Variants in SYNE3 observed in about 807,000 individuals in gnomAD.
SYNE3 encodes the protein spectrin repeat containing nuclear envelope family member 3.
A neutral mutation model predicts 111.2 loss-of-function variants in SYNE3; 100 were observed. The ratio of observed to expected loss-of-function variants is 0.90; its 90% CI spans 0.77 to 1.06. SYNE3 has a LOEUF of 1.06. Among genes scored for constraint, SYNE3 ranks in the 50% least tolerant of loss-of-function variants. The pLI is 0.00. For synonymous variants in SYNE3, 547 were observed against 533.9 expected (o/e 1.02, Z -0.34); for missense variants, 1,160 against 1,240.3 (o/e 0.94, Z 0.97).
chr14:95,479,850 T>C (rs1012549998), intron 1 of SYNE3, among the ~76,000 whole-genome samples: 1 of 151,730 alleles, frequency 6.6e-6, no homozygotes, highest in Non-Finnish European at 1.5e-5. Context: ...AAGGGGCGGG[T>C]AGGAGACAGC....
chr14:95,409,999 C>G lies in SYNE3; in HGVS notation c.*7827G>C, dbSNP rs974763078. On this transcript the variant is annotated 3_prime_UTR_variant, in exon 18 of 18. Coordinates refer to ENST00000682763, the MANE Select transcript of SYNE3 (RefSeq NM_152592.6). Reference sequence around the variant, plus strand: ...TGAAAGCAAATATGCATTGCCTGGGCTGAATCCAAACACAAAGAAAGTGTT... The same window carrying G: ...TGAAAGCAAATATGCATTGCCTGGGGTGAATCCAAACACAAAGAAAGTGTT... 1.3e-5 allele frequency: 2 copies of G among 155,004 alleles called. No homozygotes were observed. The highest frequency in any genetic ancestry group is 2.9e-5 in the Non-Finnish European group (2 of 69,892). The allele number at this position is 155,004 out of a possible 1,614,324, so 9.6% of individuals were successfully genotyped here.
intron 17 of SYNE3, among the ~76,000 whole-genome samples, chr14:95,420,995 C>A (rs1885084023): frequency 6.6e-6 from 1 of 152,136 alleles, no homozygotes; most frequent in African/African-American, 2.4e-5. Context: ...GTGAATAAGT[C>A]TCGCAAGATC....
At chr14:95,455,347 G>A in intron 6 of SYNE3, 30 bp downstream of exon 6, 1 of 1,497,190 alleles carries the variant, frequency 6.7e-7, no homozygotes, top group African/African-American at 1.4e-5. Flanking sequence ...ACAGCACCCT[G>A]GGCTCCATGA....
At chr14:95,460,945 G>A (rs1443766897) in intron 4 of SYNE3, among the ~76,000 whole-genome samples, 1 of 152,174 alleles carries the variant, frequency 6.6e-6, no homozygotes, top group East Asian at 1.9e-4. Flanking sequence ...AGAAGTCCAG[G>A]GTAAATAAAA....
intron 1 of SYNE3, among the ~76,000 whole-genome samples, chr14:95,492,161 T>C (rs1234145411): frequency 6.6e-6 from 1 of 152,182 alleles, no homozygotes; most frequent in African/African-American, 2.4e-5. Flanking sequence ...TTGGAACCCT[T>C]ATATGCTGCT....
Position 95,417,563 on chromosome 14 carries a change from T to C in SYNE3, c.*263A>G. 1.9e-6 allele frequency: 1 copy of C among 526,184 alleles called. No individual in the cohort carries two copies. The highest frequency in any genetic ancestry group is 2.2e-5 in the South Asian group (1 of 44,682). 32.6% of individuals were successfully genotyped at this position (526,184 alleles called of 1,614,324 possible). A position where few individuals can be genotyped will look rare whatever the true frequency, so the allele number is the denominator to read the frequency against. ...TAGAACTCGTATATGAAATTATACA[T>C]ACTGAGCATTTACATACAGATCATA... On this transcript the variant is annotated 3_prime_UTR_variant, in exon 18 of 18. Transcript: ENST00000682763.
intron 2 of SYNE3, among the ~76,000 whole-genome samples, chr14:95,468,288 G>A (rs1888318353): frequency 6.6e-6 from 1 of 152,364 alleles, no homozygotes; most frequent in South Asian, 2.1e-4. Context: ...CATTTGTAAA[G>A]TGCAAGTATT....
At chr14:95,484,433 T>G (rs1365242652) in intron 1 of SYNE3, among the ~76,000 whole-genome samples, 1 of 152,156 alleles carries the variant, frequency 6.6e-6, no homozygotes, top group African/African-American at 2.4e-5. Flanking sequence ...AGGGGAACCC[T>G]GGCCACGGAG....
rs1903341689 is a variant in SYNE3, at chr14:95,408,464, AAGGGGTCATCTG to A, written c.*9350_*9361del. 1 of 152,694 alleles carries A rather than the reference AAGGGGTCATCTG, an allele frequency of 6.5e-6. No homozygotes were observed. Among genetic ancestry groups the A allele is most frequent in the Admixed American group, 6.5e-5 (1 of 15,338 alleles). 9.5% of individuals were successfully genotyped at this position (152,694 alleles called of 1,614,324 possible). ...GGAAATTCCCAGATGACACAGATCT[AAGGGGTCATCTG>A]ACCTTCCCTTCTTTATGGAGAATGC... On this transcript the variant is annotated 3_prime_UTR_variant, in exon 18 of 18. Transcript: ENST00000682763.
At chr14:95,444,751 C>G in intron 9 of SYNE3, 123 bp from the exon 10 acceptor site, 2 of 1,255,394 alleles carry the variant, frequency 1.6e-6, no homozygotes, top group South Asian at 1.7e-5. Context: ...TCAGGCGCCA[C>G]CCCCTCCAGG....
At chr14:95,513,632 C>T (rs990175651) in intron 1 of SYNE3, among the ~76,000 whole-genome samples, 2 of 151,636 alleles carry the variant, frequency 1.3e-5, no homozygotes, top group African/African-American at 4.9e-5. Context: ...AGCCCCAGAA[C>T]ATCATCCCTA....
intron 2 of SYNE3, among the ~76,000 whole-genome samples, chr14:95,468,200 C>T (rs188329082): frequency 1.3e-5 from 2 of 152,332 alleles, no homozygotes; most frequent in Non-Finnish European, 2.9e-5. Context: ...TGATGAATGG[C>T]TCTCTCCTTC....
At chr14:95,480,472 C>T (rs1279738050) in intron 1 of SYNE3, among the ~76,000 whole-genome samples, 2 of 152,206 alleles carry the variant, frequency 1.3e-5, no homozygotes, top group Non-Finnish European at 2.9e-5. Flanking sequence ...GCTCAGAACA[C>T]AGAACCTGGG....
intron 4 of SYNE3, among the ~76,000 whole-genome samples, chr14:95,459,384 G>A (rs1324742910): frequency 6.6e-6 from 1 of 152,020 alleles, no homozygotes; most frequent in Non-Finnish European, 1.5e-5. Flanking sequence ...AACACGGTCA[G>A]ACGTCATTTT....
At chr14:95,439,339 C>A (rs561489537) in intron 13 of SYNE3, among the ~76,000 whole-genome samples, 177 bp from the exon 14 acceptor site, 5 of 152,252 alleles carry the variant, frequency 3.3e-5, no homozygotes, top group African/African-American at 4.8e-5. Flanking sequence ...CTCAGAGTAA[C>A]CTGTCATGAA....
chr14:95,420,293 A>C (rs1446111821), intron 17 of SYNE3, among the ~76,000 whole-genome samples: 1 of 152,132 alleles, frequency 6.6e-6, no homozygotes, highest in East Asian at 1.9e-4. Context: ...GGGTGGGGCC[A>C]AATCTCTGAC....
intron 4 of SYNE3, among the ~76,000 whole-genome samples, chr14:95,457,985 G>T (rs1407430762): frequency 6.6e-6 from 1 of 152,190 alleles, no homozygotes; most frequent in Non-Finnish European, 1.5e-5. Flanking sequence ...TGAATACGGT[G>T]ATGTGTGTTG....
chr14:95,445,425 T>A (rs146867548), intron 9 of SYNE3, among the ~76,000 whole-genome samples: 1 of 152,354 alleles, frequency 6.6e-6, no homozygotes, highest in African/African-American at 2.4e-5. Flanking sequence ...AGATCATAGT[T>A]ATTATTGTCA....
intron 1 of SYNE3, among the ~76,000 whole-genome samples, chr14:95,515,553 G>A (rs912819996): frequency 1.3e-5 from 2 of 152,224 alleles, no homozygotes; most frequent in Non-Finnish European, 2.9e-5. Context: ...CAGAATGGCA[G>A]TGATTTTATG....
Sources: gnomAD v4.1 joint callset for allele counts (sites outside exome capture counted in the v4.1 genomes callset) on GRCh38, gnomAD v4.1.1 for gene constraint, MANE v1.5 for transcripts, NCBI Gene and HGNC (gene_info 2026-07-23, HGNC 2026-07-21) for gene names.